Variants in MYO10 observed in about 807,000 individuals in gnomAD.
MYO10 encodes the protein myosin X, also known as unconventional myosin-X.
A neutral mutation model predicts 257.3 loss-of-function variants in MYO10; 133 were observed. The observed-to-expected ratio is 0.52, with a 90% confidence interval of 0.45 to 0.60. The LOEUF (loss-of-function observed/expected upper bound fraction) is 0.60, where lower values mean the gene tolerates loss of function less well. Ranked by LOEUF, MYO10 falls within the 20% of genes least tolerant of loss-of-function variation. The pLI is 0.00. For synonymous variants in MYO10, 1,104 were observed against 1,028.6 expected, an observed-to-expected ratio of 1.07 and a Z score of -1.40; for missense variants, 2,399 against 2,635.7, an observed-to-expected ratio of 0.91 and a Z score of 1.97.
At chr5:16,841,972 A>T (rs1361049940) in intron 2 of MYO10, among the ~76,000 whole-genome samples, 1 of 124,888 alleles carries the variant, frequency 8.0e-6, no homozygotes, top group Non-Finnish European at 1.6e-5. Flanking sequence ...GACAAAGAGG[A>T]CTCAATCATA....
chr5:16,911,822 G>A (rs1745665631), intron 1 of MYO10, among the ~76,000 whole-genome samples: 1 of 152,024 alleles, frequency 6.6e-6, no homozygotes, highest in Admixed American at 6.6e-5. Context: ...TGGATCACCT[G>A]AGGTCAGGAG....
intron 3 of MYO10, among the ~76,000 whole-genome samples, chr5:16,816,079 A>G (rs1742598351): frequency 6.6e-6 from 1 of 151,168 alleles, no homozygotes; most frequent in Admixed American, 6.6e-5. Context: ...ACAGTGGCTC[A>G]TGCCTGTAAT....
intron 2 of MYO10, among the ~76,000 whole-genome samples, chr5:16,865,010 G>A (rs998533172): frequency 1.3e-5 from 2 of 152,072 alleles, no homozygotes; most frequent in African/African-American, 4.8e-5. Flanking sequence ...CTCAGAGGTG[G>A]GTATTTCCAG....
Position 16,710,166 on chromosome 5 carries a change from CAT to C in MYO10, c.2169+740_2169+741del, listed in dbSNP as rs3860139. Among the ~76,000 whole-genome samples, 1,055 of 152,306 alleles carry C rather than the reference CAT, an allele frequency of 6.9e-3. 4 individuals are homozygous for C. Among genetic ancestry groups the C allele is most frequent in the South Asian group, 0.012 (60 of 4,822 alleles). ...AATGAGGATTCACTCTTCGAGGACACATGTGTCCTCAGCTGCCTGCATTTCTG... is the reference window on the plus strand; with the variant it reads ...AATGAGGATTCACTCTTCGAGGACACGTGTCCTCAGCTGCCTGCATTTCTG... On this transcript the variant is annotated intron_variant, in intron 21 of 40. Transcript: ENST00000513610.
chr5:16,671,482 G>A lies in MYO10; in HGVS notation c.5370C>T (p.Cys1790=), dbSNP rs56249185. 4.0e-3 allele frequency: 6,500 copies of A among 1,613,964 alleles called. 27 individuals carry two copies. The highest frequency in any genetic ancestry group is 3.9e-3 in the Non-Finnish European group (4,647 of 1,179,856). ...LPWKFYFKLY[C]FLDTDNVPKD... is the part of the protein sequence containing the mutation. ...TTGGCACGTTGTCTGTGTCCAGGAA[G>A]CAGTAAAGTTTGAAGTAGAATTTCC... is the stretch of plus-strand genomic sequence containing the variant. The change falls in exon 38 of 41, where the codon TGC becomes TGT. Residue 1790 remains cysteine (C), a synonymous_variant. Coordinates refer to ENST00000513610, the MANE Select transcript of MYO10 (RefSeq NM_012334.3).
chr5:16,838,045 G>T (rs1302867378), intron 2 of MYO10, among the ~76,000 whole-genome samples: 3 of 152,110 alleles, frequency 2.0e-5, no homozygotes, highest in Non-Finnish European at 4.4e-5. Context: ...GCTGTTCCCT[G>T]TCTCTCTCCC....
At chr5:16,720,334 T>A (rs1274958204) in intron 19 of MYO10, among the ~76,000 whole-genome samples, 1 of 152,236 alleles carries the variant, frequency 6.6e-6, no homozygotes, top group Non-Finnish European at 1.5e-5. Flanking sequence ...AGACTTTATG[T>A]CTTATAAGAC....
At chr5:16,848,155 C>CTTTTTTTTTTTTTTTTTTTT (rs371042891) in intron 2 of MYO10, among the ~76,000 whole-genome samples, 13 of 113,592 alleles carry the variant, frequency 1.1e-4, no homozygotes, top group African/African-American at 3.4e-4. Context: ...CTACACATTT[C>CTTTTTTTTTTTTTTTTTTTT]TTTTTTTTTT....
intron 1 of MYO10, chr5:16,916,487 G>A (rs756320968): frequency 5.7e-6 from 1 of 175,124 alleles, no homozygotes; most frequent in African/African-American, 2.4e-5. Flanking sequence ...GAAAAGAGGA[G>A]AGGAGAAGCA....
intron 27 of MYO10, among the ~76,000 whole-genome samples, chr5:16,692,781 TAGG>T (rs10561729): frequency 0.28 from 42,932 of 151,932 alleles, 6,229 homozygotes; most frequent in South Asian, 0.37. Context: ...TCCTGTTCTA[TAGG>T]AGGTGACAGA....
chr5:16,760,300 A>G (rs1235364657), intron 17 of MYO10, among the ~76,000 whole-genome samples: 1 of 151,074 alleles, frequency 6.6e-6, no homozygotes, highest in Non-Finnish European at 1.5e-5. Context: ...AGATACAAAA[A>G]AAAAAAAAAA....
At chr5:16,920,725 T>C (rs1745956176) in intron 1 of MYO10, among the ~76,000 whole-genome samples, 1 of 152,238 alleles carries the variant, frequency 6.6e-6, no homozygotes, top group African/African-American at 2.4e-5. Flanking sequence ...CACTGTATTT[T>C]GTTATGTAAG....
At chr5:16,717,784 C>G (rs1021809312) in intron 19 of MYO10, among the ~76,000 whole-genome samples, 3 of 152,224 alleles carry the variant, frequency 2.0e-5, no homozygotes, top group Non-Finnish European at 4.4e-5. Context: ...GGTGACAGCA[C>G]ACTGGCAGTC....
intron 3 of MYO10, among the ~76,000 whole-genome samples, chr5:16,798,264 G>A (rs1052319115): frequency 6.6e-6 from 1 of 152,082 alleles, no homozygotes; most frequent in African/African-American, 2.4e-5. Context: ...CAGAGTTGTT[G>A]GTTGTACAGC....
At chr5:16,908,146 C>T (rs1481213310) in intron 1 of MYO10, among the ~76,000 whole-genome samples, 1 of 151,870 alleles carries the variant, frequency 6.6e-6, no homozygotes, top group African/African-American at 2.4e-5. Flanking sequence ...GGCAGAGAAT[C>T]CCTTGAACCC....
At position 16,816,080 on chromosome 5, in the gene MYO10, T is replaced by G. The variant is rs531824910; in HGVS notation, c.279+1929A>C. 4.7e-5 allele frequency among the ~76,000 whole-genome samples: 7 copies of G among 150,220 alleles called. No individual in the cohort carries two copies. The East Asian group carries it at 1.4e-3, about 29-fold the overall frequency. On this transcript the variant is annotated intron_variant, in intron 3 of 40. Transcript: ENST00000513610. ...AAAAAGGGCGGGGCACAGTGGCTCA[T>G]GCCTGTAATCCCAGCACTTTGGGAG... is the stretch of plus-strand genomic sequence containing the variant.
chr5:16,877,867 C>G (rs1472260473), intron 1 of MYO10, among the ~76,000 whole-genome samples, 160 bp from the exon 2 acceptor site: 1 of 152,148 alleles, frequency 6.6e-6, no homozygotes, highest in Non-Finnish European at 1.5e-5. Context: ...AAAGCATCAT[C>G]CACAGGCTTT....
At chr5:16,883,161 C>A (rs570866035) in intron 1 of MYO10, among the ~76,000 whole-genome samples, 1 of 152,116 alleles carries the variant, frequency 6.6e-6, no homozygotes, top group Admixed American at 6.5e-5. Flanking sequence ...GTGATCCACC[C>A]GCCTCGGCCT....
intron 19 of MYO10, among the ~76,000 whole-genome samples, chr5:16,744,713 A>AAATGGAGGAGTCAC (rs1169519853): frequency 2.6e-5 from 4 of 152,138 alleles, no homozygotes; most frequent in Non-Finnish European, 5.9e-5. Context: ...AAACAGTCAC[A>AAATGGAGGAGTCAC]AAAGATGAAA....
Sources: gnomAD v4.1 joint callset for allele counts (sites outside exome capture counted in the v4.1 genomes callset) on GRCh38, gnomAD v4.1.1 for gene constraint, MANE v1.5 for transcripts, NCBI Gene and HGNC (gene_info 2026-07-23, HGNC 2026-07-21) for gene names.